The following GPC6 variants were observed in gnomAD, a reference collection of about 807,000 sequenced individuals.
The protein encoded by GPC6 is glypican 6, also known as glypican-6.
GPC6 carries 14 observed loss-of-function variants against 55.2 expected under a neutral mutation model. That is an observed-to-expected ratio of 0.25 (90% CI 0.17 to 0.40). The LOEUF is 0.40. GPC6 is among the 10% of genes least tolerant of loss of function. The pLI is 1.00. For synonymous variants in GPC6, 278 were observed against 259.6 expected (o/e 1.07, Z -0.68); for missense variants, 641 against 708.5 (o/e 0.90, Z 1.08).
At chr13:93,600,189 G>T (rs1419335792) in intron 2 of GPC6, among the ~76,000 whole-genome samples, 11 of 152,122 alleles carry the variant, frequency 7.2e-5, no homozygotes, top group African/African-American at 2.2e-4. Flanking sequence ...TATCTTGTCT[G>T]GGCTAAACAG....
intron 2 of GPC6, among the ~76,000 whole-genome samples, chr13:93,822,853 A>ATTTTT (rs566409888): frequency 4.1e-5 from 6 of 146,796 alleles, no homozygotes; most frequent in South Asian, 2.1e-4. Context: ...TATTATTATT[A>ATTTTT]TTTTATTATT....
At chr13:93,256,169 CA>C (rs1230331244) in intron 1 of GPC6, among the ~76,000 whole-genome samples, 3,752 of 55,136 alleles carry the variant, frequency 0.068, 32 homozygotes, top group Non-Finnish European at 0.086. Context: ...GACTCCATCT[CA>C]AAAAAAAAAA....
At chr13:93,665,242 A>G (rs531245446) in intron 2 of GPC6, among the ~76,000 whole-genome samples, 1 of 152,372 alleles carries the variant, frequency 6.6e-6, no homozygotes, top group South Asian at 2.1e-4. Flanking sequence ...AAGTAATGGT[A>G]TATCCATAAT....
intron 1 of GPC6, among the ~76,000 whole-genome samples, chr13:93,259,081 G>A (rs1877049173): frequency 6.6e-6 from 1 of 152,182 alleles, no homozygotes; most frequent in Non-Finnish European, 1.5e-5. Flanking sequence ...TAACGGTAGG[G>A]TAGGGTTATT....
intron 1 of GPC6, among the ~76,000 whole-genome samples, chr13:93,443,559 G>A (rs1171019118): frequency 6.6e-6 from 1 of 152,218 alleles, no homozygotes; most frequent in Non-Finnish European, 1.5e-5. Flanking sequence ...AGAAGACCAG[G>A]CATATTCACA....
chr13:94,138,444 T>C lies in GPC6; in HGVS notation c.877+110550T>C, dbSNP rs145338779. ...GTTCCAGTCGTCTTTATACTTATGA[T>C]GCTTCATAAATTCCACCTCTTATCA... On this transcript the variant is annotated intron_variant, in intron 4 of 8. Transcript: ENST00000377047. Among the ~76,000 whole-genome samples the C allele has an allele frequency of 4.9e-3, 748 of 152,328 alleles. 2 individuals are homozygous for C. The highest frequency in any genetic ancestry group is 7.4e-3 in the Non-Finnish European group (501 of 68,034).
At chr13:93,802,744 TG>T (rs1464960436) in intron 2 of GPC6, among the ~76,000 whole-genome samples, 4 of 152,050 alleles carry the variant, frequency 2.6e-5, no homozygotes, top group Non-Finnish European at 5.9e-5. Context: ...GCATGAAAAA[TG>T]GTATGTCTCT....
chr13:94,306,269 A>G (rs1010542991), intron 6 of GPC6, 146 bp downstream of exon 6: 2 of 808,718 alleles, frequency 2.5e-6, no homozygotes, highest in East Asian at 2.6e-5. Flanking sequence ...AATATTGAAA[A>G]GTAATGGGAT....
intron 3 of GPC6, among the ~76,000 whole-genome samples, chr13:93,938,395 T>G (rs1215292287): frequency 6.6e-6 from 1 of 152,218 alleles, no homozygotes; most frequent in Non-Finnish European, 1.5e-5. Flanking sequence ...AAGGCTGAAA[T>G]GCTAGAGTGG....
At chr13:93,318,130 G>T (rs1879305924) in intron 1 of GPC6, among the ~76,000 whole-genome samples, 1 of 152,106 alleles carries the variant, frequency 6.6e-6, no homozygotes, top group Admixed American at 6.6e-5. Context: ...TGATTGATAG[G>T]TTTAGTGTCT....
chr13:93,774,038 A>G (rs568984635), intron 2 of GPC6, among the ~76,000 whole-genome samples: 36 of 152,292 alleles, frequency 2.4e-4, no homozygotes, highest in African/African-American at 8.4e-4. Context: ...TGGAACCAAT[A>G]CTTCTGACAG....
chr13:94,124,427 A>G (rs543812694), intron 4 of GPC6, among the ~76,000 whole-genome samples: 1 of 152,258 alleles, frequency 6.6e-6, no homozygotes, highest in Admixed American at 6.5e-5. Flanking sequence ...TCCTGCCTTC[A>G]GTGAACTCAT....
At chr13:94,246,806 A>C (rs1490941767) in intron 4 of GPC6, among the ~76,000 whole-genome samples, 1 of 151,978 alleles carries the variant, frequency 6.6e-6, no homozygotes, top group Non-Finnish European at 1.5e-5. Context: ...GATGCCTCCA[A>C]CTTTGGGTTT....
At chr13:93,479,617 C>CCCA (rs61435072) in intron 1 of GPC6, among the ~76,000 whole-genome samples, 1 of 145,498 alleles carries the variant, frequency 6.9e-6, no homozygotes, top group East Asian at 2.1e-4. Context: ...GACCCCCCCC[C>CCCA]ATCTCTACTA....
At chr13:93,452,065 A>G (rs1481070858) in intron 1 of GPC6, among the ~76,000 whole-genome samples, 1 of 152,236 alleles carries the variant, frequency 6.6e-6, no homozygotes, top group Non-Finnish European at 1.5e-5. Context: ...ATTTTATGTT[A>G]CAGTAAACTT....
chr13:94,140,370 C>T (rs1238153991), intron 4 of GPC6, among the ~76,000 whole-genome samples: 1 of 152,128 alleles, frequency 6.6e-6, no homozygotes, highest in Admixed American at 6.6e-5. Flanking sequence ...ACACTGGGGG[C>T]CTGGATAACC....
intron 2 of GPC6, among the ~76,000 whole-genome samples, chr13:93,626,033 A>G (rs1019534997): frequency 1.7e-4 from 26 of 152,284 alleles, no homozygotes; most frequent in Admixed American, 1.6e-3. Context: ...TGATTGATAC[A>G]TGAGGAGGAA....
chr13:93,980,108 A>G (rs1880726288), intron 3 of GPC6, among the ~76,000 whole-genome samples: 1 of 152,096 alleles, frequency 6.6e-6, no homozygotes, highest in Non-Finnish European at 1.5e-5. Context: ...TGGAAATCTG[A>G]GAATATTACT....
chr13:93,628,469 A>C (rs1267947279), intron 2 of GPC6, among the ~76,000 whole-genome samples: 1 of 152,162 alleles, frequency 6.6e-6, no homozygotes, highest in Non-Finnish European at 1.5e-5. Flanking sequence ...GCTATCAGTG[A>C]AGAGGTTTCA....
Sources: gnomAD v4.1 joint callset for allele counts (sites outside exome capture counted in the v4.1 genomes callset) on GRCh38, gnomAD v4.1.1 for gene constraint, MANE v1.5 for transcripts, NCBI Gene and HGNC (gene_info 2026-07-23, HGNC 2026-07-21) for gene names.